The following MSN variants were observed in gnomAD, a reference collection of about 807,000 sequenced individuals.
MSN encodes moesin.
Under a neutral mutation model 48.0 loss-of-function variants are expected in MSN, and 2 were observed. The ratio of observed to expected loss-of-function variants is 0.04; its 90% confidence interval spans 0.02 to 0.13. The LOEUF (loss-of-function observed/expected upper bound fraction) is 0.13. MSN is among the 10% of genes least tolerant of loss of function. The pLI is 1.00. For missense variants in MSN, 267 were observed against 470.1 expected (o/e 0.57, Z 3.99); for synonymous variants, 146 against 166.9 (o/e 0.87, Z 0.97).
intron 1 of MSN, among the ~76,000 whole-genome samples, chrX:65,642,407 T>C (rs1053481643): frequency 9.2e-6 from 1 of 108,623 alleles, no homozygotes; most frequent in South Asian, 4.0e-4. Context: ...ATTATACTAA[T>C]AAATATATTA....
chrX:65,622,565 G>A (rs1186379964), intron 1 of MSN, among the ~76,000 whole-genome samples: 1 of 93,960 alleles, frequency 1.1e-5, no homozygotes, highest in African/African-American at 4.0e-5. Flanking sequence ...CACCCATGCT[G>A]GAGTGCAGTG....
At chrX:65,629,779 C>T (rs1182362297) in intron 1 of MSN, among the ~76,000 whole-genome samples, 1 of 111,903 alleles carries the variant, frequency 8.9e-6, no homozygotes, top group Admixed American at 9.5e-5. Context: ...ATTACACCCC[C>T]ACCGGTCCCC....
chrX:65,615,754 G>T (rs753033651), intron 1 of MSN, among the ~76,000 whole-genome samples: 1 of 110,421 alleles, frequency 9.1e-6, no homozygotes, highest in African/African-American at 3.3e-5. Flanking sequence ...CATTGCTTTT[G>T]GTGTTTTAGA....
chrX:65,649,887 C>T (rs1236890661), intron 1 of MSN, among the ~76,000 whole-genome samples: 1 of 106,870 alleles, frequency 9.4e-6, no homozygotes, highest in Non-Finnish European at 1.9e-5. Flanking sequence ...ATAACATACG[C>T]ACAAGCTCCT....
Position 65,691,580 on chromosome X carries a change from C to A in MSN, c.12+23727C>A, listed in dbSNP as rs1018985457. Among the ~76,000 whole-genome samples, 3 of 111,388 alleles carry A rather than the reference C, an allele frequency of 2.7e-5. No homozygotes were observed. In the Admixed American group the frequency reaches 2.9e-4, roughly 11 times the overall value. ...AGTGCAATGGTGCAATCTCGACTTA[C>A]TGCAACTTTCGCCTCCTGGGTTCAA... On this transcript the variant is annotated intron_variant, in intron 1 of 12. Coordinates refer to ENST00000360270, the MANE Select transcript of MSN (RefSeq NM_002444.3).
intron 1 of MSN, among the ~76,000 whole-genome samples, chrX:65,654,624 C>A (rs1049807927): frequency 9.0e-6 from 1 of 111,129 alleles, no homozygotes; most frequent in South Asian, 3.8e-4. Context: ...CAAGGTGGCA[C>A]TTTCTCTCTC....
intron 1 of MSN, among the ~76,000 whole-genome samples, chrX:65,621,544 C>T (rs1276038691): frequency 1.8e-5 from 2 of 111,498 alleles, no homozygotes; most frequent in Non-Finnish European, 3.8e-5. Context: ...AGAAAAATGT[C>T]CTCCAACTTT....
chrX:65,608,562 A>T (rs764046647), intron 1 of MSN, among the ~76,000 whole-genome samples: 21 of 110,957 alleles, frequency 1.9e-4, no homozygotes, highest in Non-Finnish European at 1.7e-4. Flanking sequence ...AACACAGGAT[A>T]TAGGCAGGCA....
At chrX:65,656,165 T>C (rs190339047) in intron 1 of MSN, among the ~76,000 whole-genome samples, 1 of 112,070 alleles carries the variant, frequency 8.9e-6, no homozygotes, top group African/African-American at 3.2e-5. Context: ...TTTCCCTTGA[T>C]TATTATAGTA....
intron 1 of MSN, among the ~76,000 whole-genome samples, chrX:65,687,189 A>G (rs1196733822): frequency 1.8e-5 from 2 of 111,611 alleles, no homozygotes; most frequent in Non-Finnish European, 3.8e-5. Context: ...TACTAAAAAT[A>G]CTAAAAAAAT....
At chrX:65,716,641 C>G in intron 1 of MSN, 177 bp from the exon 2 acceptor site, 1 of 461,557 alleles carries the variant, frequency 2.2e-6, no homozygotes, top group East Asian at 3.8e-5. Context: ...CAATAAGCTG[C>G]TTGGGAGCAG....
At chrX:65,623,474 G>C (rs1310827237) in intron 1 of MSN, among the ~76,000 whole-genome samples, 6 of 102,198 alleles carry the variant, frequency 5.9e-5, no homozygotes, top group Non-Finnish European at 9.8e-5. Flanking sequence ...TCTATTTTTT[G>C]AAAGAGTTTG....
chrX:65,730,483 T>G lies in MSN; in HGVS notation c.468-624T>G, dbSNP rs181933011. 1.1e-3 allele frequency among the ~76,000 whole-genome samples: 125 copies of G among 111,567 alleles called. 2 individuals carry two copies. Among genetic ancestry groups the G allele is most frequent in the African/African-American group, 4.1e-3 (125 of 30,686 alleles). On this transcript the variant is annotated intron_variant, in intron 4 of 12. Coordinates refer to ENST00000360270, the MANE Select transcript of MSN (RefSeq NM_002444.3). ...AGTCCCATTGGAGTTATGGCATATATGTACAACACACCCATAAGATATTAG... is the reference window on the plus strand; with the variant it reads ...AGTCCCATTGGAGTTATGGCATATAGGTACAACACACCCATAAGATATTAG...
intron 1 of MSN, among the ~76,000 whole-genome samples, chrX:65,689,319 G>T (rs765060122): frequency 5.4e-5 from 6 of 111,856 alleles, no homozygotes; most frequent in African/African-American, 1.9e-4. Flanking sequence ...AAATGGTTTT[G>T]TTCTGTGCGG....
intron 1 of MSN, among the ~76,000 whole-genome samples, chrX:65,647,281 G>A (rs1273092755): frequency 4.8e-5 from 5 of 103,665 alleles, no homozygotes; most frequent in Non-Finnish European, 9.8e-5. Context: ...GCGTGATCTC[G>A]GCTCACTGCA....
intron 1 of MSN, among the ~76,000 whole-genome samples, chrX:65,692,199 C>A (rs777259265): frequency 3.0e-4 from 34 of 112,520 alleles, no homozygotes; most frequent in African/African-American, 1.1e-3. Flanking sequence ...TTCATGCATG[C>A]CTGTTGCTCT....
At chrX:65,635,516 G>A (rs1400488130) in intron 1 of MSN, among the ~76,000 whole-genome samples, 4 of 111,794 alleles carry the variant, frequency 3.6e-5, no homozygotes, top group African/African-American at 1.3e-4. Flanking sequence ...GACGGAGACT[G>A]GGGTGGGAAC....
intron 1 of MSN, among the ~76,000 whole-genome samples, chrX:65,662,290 A>T (rs1257633077): frequency 2.7e-5 from 3 of 112,609 alleles, no homozygotes; most frequent in African/African-American, 9.7e-5. Context: ...CTGTTCTAAA[A>T]TTCACATGGA....
chrX:65,735,711 C>G (rs927639418), intron 8 of MSN, among the ~76,000 whole-genome samples: 1 of 112,324 alleles, frequency 8.9e-6, no homozygotes. Flanking sequence ...GTACAAAGGC[C>G]ATGTCATTCA....
Sources: allele counts gnomAD v4.1 joint callset (sites outside exome capture counted in the v4.1 genomes callset), GRCh38; gene constraint gnomAD v4.1.1; transcripts MANE v1.5; gene names NCBI Gene and HGNC (gene_info 2026-07-23, HGNC 2026-07-21).